Variants in RTL4 observed in about 807,000 individuals in gnomAD.
RTL4 encodes retrotransposon Gag like 4.
In RTL4, 4 loss-of-function variants were observed where a neutral mutation model predicts 5.3. That is an observed-to-expected ratio of 0.75 (90% CI 0.37 to 1.72). RTL4 has a LOEUF of 1.72. RTL4 is among the 40% of genes most tolerant of loss of function. The pLI is 0.04. For missense variants in RTL4, 260 were observed against 227.1 expected, an observed-to-expected ratio of 1.14 and a Z score of -0.93; for synonymous variants, 98 against 87.3, an observed-to-expected ratio of 1.12 and a Z score of -0.68.
the RTL4 span, among the ~76,000 whole-genome samples, chrX:112,413,951 G>A: frequency 9.0e-6 from 1 of 110,618 alleles, no homozygotes; most frequent in Non-Finnish European, 1.9e-5. Flanking sequence ...AGTGTCTCAC[G>A]AACCCCATAA....
the RTL4 span, among the ~76,000 whole-genome samples, chrX:112,427,361 T>A: frequency 4.5e-5 from 5 of 111,140 alleles, no homozygotes; most frequent in Admixed American, 9.6e-5. Flanking sequence ...TATCAAGAGA[T>A]GCAGAAAAGC....
the RTL4 span, among the ~76,000 whole-genome samples, chrX:112,360,466 A>G: frequency 1.8e-5 from 2 of 111,340 alleles, no homozygotes; most frequent in African/African-American, 6.5e-5. Context: ...CCAGTTAACC[A>G]TTGTTTATGT....
At chrX:112,174,154 A>G in the RTL4 span, among the ~76,000 whole-genome samples, 5 of 104,263 alleles carry the variant, frequency 4.8e-5, no homozygotes, top group East Asian at 1.6e-3. Context: ...ATATGTATAC[A>G]TGTGCCATGC....
chrX:112,348,525 A>G, the RTL4 span, among the ~76,000 whole-genome samples: 1 of 110,479 alleles, frequency 9.1e-6, no homozygotes, highest in South Asian at 3.8e-4. Flanking sequence ...CACAGAAGGA[A>G]CAAACCACAT....
the RTL4 span, among the ~76,000 whole-genome samples, chrX:112,359,614 G>A: frequency 9.0e-6 from 1 of 111,084 alleles, no homozygotes; most frequent in Non-Finnish European, 1.9e-5. Context: ...TATTCCTAAT[G>A]GGTCTTCCAC....
chrX:112,346,124 T>TG, the RTL4 span, among the ~76,000 whole-genome samples: 1 of 111,798 alleles, frequency 8.9e-6, no homozygotes, highest in Non-Finnish European at 1.9e-5. Context: ...GTTTGAGTAA[T>TG]GGGGGTAACT....
chrX:112,145,086 G>C, the RTL4 span, among the ~76,000 whole-genome samples: 1 of 110,652 alleles, frequency 9.0e-6, no homozygotes, highest in African/African-American at 3.3e-5. Context: ...TTTTCCTTTA[G>C]AATGTTTGCA....
the RTL4 span, among the ~76,000 whole-genome samples, chrX:112,248,500 A>G: frequency 1.8e-5 from 2 of 112,431 alleles, no homozygotes; most frequent in African/African-American, 3.2e-5. Flanking sequence ...GCCTTACAAT[A>G]GCTTTCTCCT....
chrX:112,178,882 G>C, the RTL4 span, among the ~76,000 whole-genome samples: 2 of 111,832 alleles, frequency 1.8e-5, no homozygotes, highest in Non-Finnish European at 3.8e-5. Context: ...AGCAAAAAGA[G>C]TGTGAAGAGT....
At chrX:112,183,080 G>C in the RTL4 span, among the ~76,000 whole-genome samples, 2 of 112,065 alleles carry the variant, frequency 1.8e-5, no homozygotes, top group Non-Finnish European at 3.8e-5. Context: ...ATAAGCGAAG[G>C]AGAAATAAAA....
the RTL4 span, among the ~76,000 whole-genome samples, chrX:112,083,420 G>C: frequency 8.9e-6 from 1 of 112,573 alleles, no homozygotes; most frequent in Non-Finnish European, 1.9e-5. Flanking sequence ...TAAGGGCGGC[G>C]GGCGGCTGGT....
chrX:112,310,391 T>TAA, the RTL4 span, among the ~76,000 whole-genome samples: 1 of 59,189 alleles, frequency 1.7e-5, no homozygotes, highest in African/African-American at 6.3e-5. Flanking sequence ...TATATATATA[T>TAA]ATATATATAT....
At chrX:112,378,075 T>C in the RTL4 span, among the ~76,000 whole-genome samples, 136 of 111,417 alleles carry the variant, frequency 1.2e-3, no homozygotes, top group Middle Eastern at 4.7e-3. Context: ...GAATTGGTCA[T>C]GATCAGGGCC....
chrX:112,339,172 A>G, the RTL4 span, among the ~76,000 whole-genome samples: 1 of 112,205 alleles, frequency 8.9e-6, no homozygotes, highest in East Asian at 2.8e-4. Flanking sequence ...CTTAAAAAAG[A>G]GAAAGAGTTC....
chrX:112,192,137 A>G, the RTL4 span, among the ~76,000 whole-genome samples: 1 of 90,089 alleles, frequency 1.1e-5, no homozygotes, highest in Non-Finnish European at 2.1e-5. Flanking sequence ...CTCATTTAGT[A>G]CCTTTAATAG....
chrX:112,278,890 A>G, the RTL4 span, among the ~76,000 whole-genome samples: 13 of 111,902 alleles, frequency 1.2e-4, no homozygotes, highest in Non-Finnish European at 1.9e-4. Context: ...AATTTATGAA[A>G]TGAGAAAAGG....
the RTL4 span, among the ~76,000 whole-genome samples, chrX:112,367,424 C>T: frequency 9.0e-5 from 10 of 111,411 alleles, no homozygotes; most frequent in South Asian, 3.7e-4. Context: ...TGCATGAAAG[C>T]GCCACACTGT....
the RTL4 span, among the ~76,000 whole-genome samples, chrX:112,386,760 T>C: frequency 8.9e-6 from 1 of 112,023 alleles, no homozygotes; most frequent in Non-Finnish European, 1.9e-5. Context: ...CATTGAATGA[T>C]GGGCTTTTGG....
At chrX:112,091,694 A>C in the RTL4 span, among the ~76,000 whole-genome samples, 2 of 111,091 alleles carry the variant, frequency 1.8e-5, no homozygotes, top group African/African-American at 6.5e-5. Context: ...ACGTGCACTT[A>C]AAAATAATGT....
Sources: allele counts gnomAD v4.1 joint callset (sites outside exome capture counted in the v4.1 genomes callset), GRCh38; gene constraint gnomAD v4.1.1; transcripts MANE v1.5; gene names NCBI Gene and HGNC (gene_info 2026-07-23, HGNC 2026-07-21).